The following LYPLAL1 variants were observed in gnomAD, a reference collection of about 807,000 sequenced individuals.
LYPLAL1 encodes the protein lysophospholipase like 1, also known as lysophospholipase-like protein 1.
A neutral mutation model predicts 19.7 loss-of-function variants in LYPLAL1; 23 were observed. That is an observed-to-expected ratio of 1.17 (90% CI 0.84 to 1.65). The LOEUF (loss-of-function observed/expected upper bound fraction) is 1.65, where lower values mean the gene tolerates loss of function less well. Among genes scored for constraint, LYPLAL1 ranks in the 40% most tolerant of loss-of-function variants. The probability of loss-of-function intolerance (pLI) is 0.00; values close to 1 mark genes in which losing one functional copy is unlikely to be tolerated. For synonymous variants in LYPLAL1, 119 were observed against 96.3 expected (o/e 1.24, Z -1.38); for missense variants, 355 against 279.4 (o/e 1.27, Z -1.93).
chr1:219,233,235 T>G, the LYPLAL1 span, among the ~76,000 whole-genome samples: 122 of 152,282 alleles, frequency 8.0e-4, no homozygotes, highest in African/African-American at 2.9e-3. Flanking sequence ...CTTGAAGACA[T>G]TATGCTAAGT....
chr1:219,396,551 A>G, the LYPLAL1 span, among the ~76,000 whole-genome samples: 1 of 152,180 alleles, frequency 6.6e-6, no homozygotes, highest in Non-Finnish European at 1.5e-5. Flanking sequence ...ATCTGTGGTC[A>G]TAGAATATTT....
chr1:219,193,193 TA>T lies in LYPLAL1; in HGVS notation c.304del (p.Thr102LeufsTer3). On this transcript the variant is annotated frameshift_variant, in exon 3 of 5. Coordinates refer to ENST00000366928, the MANE Select transcript of LYPLAL1 (RefSeq NM_138794.5). LOFTEE classifies it high-confidence loss of function. Reference sequence around the variant, plus strand: ...CAATTGATGTCATGTGTCAAGTGCTTACTGATTTGATTGATGAAGAAGTAAA... The same window carrying T: ...CAATTGATGTCATGTGTCAAGTGCTTCTGATTTGATTGATGAAGAAGTAAA... ...ESIDVMCQVLTDLIDEEVKSG... is the reference protein window; with the variant it reads ...ESIDVMCQVLXDLIDEEVKSG... 2 of 1,610,764 alleles carry T rather than the reference TA, an allele frequency of 1.2e-6. No homozygotes were observed. Among genetic ancestry groups the T allele is most frequent in the South Asian group, 2.2e-5 (2 of 90,940 alleles).
the LYPLAL1 span, among the ~76,000 whole-genome samples, chr1:219,439,992 C>CACATATATATAT: frequency 3.1e-5 from 1 of 32,392 alleles, no homozygotes; most frequent in African/African-American, 9.5e-5. Context: ...TATATATATA[C>CACATATATATAT]ACACATATAT....
At chr1:219,426,406 T>C in the LYPLAL1 span, among the ~76,000 whole-genome samples, 4 of 152,276 alleles carry the variant, frequency 2.6e-5, no homozygotes, top group Admixed American at 2.6e-4. Flanking sequence ...GGAAAAAAAA[T>C]TGTATGACTG....
chr1:219,443,369 A>G, the LYPLAL1 span, among the ~76,000 whole-genome samples: 1 of 152,220 alleles, frequency 6.6e-6, no homozygotes, highest in South Asian at 2.1e-4. Context: ...ATAACCTCTA[A>G]TGCATCTACT....
At chr1:219,393,521 C>A in the LYPLAL1 span, among the ~76,000 whole-genome samples, 1 of 152,204 alleles carries the variant, frequency 6.6e-6, no homozygotes, top group African/African-American at 2.4e-5. Context: ...ATTCCAAATG[C>A]CTTGGTTAAG....
chr1:219,211,418 G>GT, intron 4 of LYPLAL1, 74 bp from the exon 5 acceptor site: 2 of 1,048,714 alleles, frequency 1.9e-6, no homozygotes, highest in Non-Finnish European at 2.8e-6. Context: ...GAATTTTCCT[G>GT]TTCTCTCTGA....
chr1:219,331,426 T>C, the LYPLAL1 span, among the ~76,000 whole-genome samples: 2 of 152,170 alleles, frequency 1.3e-5, no homozygotes, highest in African/African-American at 4.8e-5. Context: ...TAAGCAATGC[T>C]CCGTTTTTGT....
chr1:219,424,537 G>A, the LYPLAL1 span, among the ~76,000 whole-genome samples: 4 of 152,210 alleles, frequency 2.6e-5, no homozygotes, highest in Middle Eastern at 3.4e-3. Flanking sequence ...GAACAACAAC[G>A]AGATTGTCAG....
intron 2 of LYPLAL1, among the ~76,000 whole-genome samples, chr1:219,183,367 T>C (rs956035140): frequency 6.6e-6 from 1 of 152,058 alleles, no homozygotes; most frequent in African/African-American, 2.4e-5. Flanking sequence ...AAATACCTTC[T>C]CTTTGTGGTT....
the LYPLAL1 span, among the ~76,000 whole-genome samples, chr1:219,229,622 G>T: frequency 3.7e-4 from 57 of 152,196 alleles, 1 homozygote; most frequent in African/African-American, 1.3e-3. Context: ...CCTATAGATG[G>T]CAAAACTAAA....
At chr1:219,440,016 C>CATATATATATAGATAT in the LYPLAL1 span, among the ~76,000 whole-genome samples, 1 of 99,466 alleles carries the variant, frequency 1.0e-5, no homozygotes, top group Admixed American at 9.5e-5. Flanking sequence ...TATATATACA[C>CATATATATATAGATAT]ACACACACAT....
At chr1:219,190,700 C>T (rs1389562833) in intron 2 of LYPLAL1, among the ~76,000 whole-genome samples, 1 of 140,632 alleles carries the variant, frequency 7.1e-6, no homozygotes, top group Non-Finnish European at 1.5e-5. Flanking sequence ...AAGAAAATAC[C>T]TGAAATATAT....
At chr1:219,239,725 C>T in the LYPLAL1 span, among the ~76,000 whole-genome samples, 1 of 152,210 alleles carries the variant, frequency 6.6e-6, no homozygotes, top group African/African-American at 2.4e-5. Flanking sequence ...GGCAGATCTT[C>T]AAGTATGCTG....
chr1:219,219,041 A>G, the LYPLAL1 span, among the ~76,000 whole-genome samples: 5 of 152,254 alleles, frequency 3.3e-5, no homozygotes, highest in Non-Finnish European at 7.4e-5. Flanking sequence ...AAGTACACGG[A>G]TTCCACTTTG....
At chr1:219,175,102 A>G in intron 1 of LYPLAL1, 1 of 985,332 alleles carries the variant, frequency 1.0e-6, no homozygotes, top group Non-Finnish European at 1.2e-6. Context: ...TGTGGGAGGT[A>G]TTCTCTTTAT....
the LYPLAL1 span, among the ~76,000 whole-genome samples, chr1:219,309,593 C>T: frequency 0.39 from 59,622 of 151,984 alleles, 12,241 homozygotes; most frequent in Non-Finnish European, 0.45. Context: ...ATACTCTTCT[C>T]GTGGTTGTGA....
chr1:219,325,755 A>C, the LYPLAL1 span, among the ~76,000 whole-genome samples: 1 of 152,158 alleles, frequency 6.6e-6, no homozygotes, highest in African/African-American at 2.4e-5. Flanking sequence ...CCCACTTAGC[A>C]CATATTGTTA....
chr1:219,387,921 TCA>T, the LYPLAL1 span, among the ~76,000 whole-genome samples: 9 of 152,196 alleles, frequency 5.9e-5, no homozygotes, highest in Admixed American at 1.3e-4. Context: ...CGGTTCTAAT[TCA>T]CACACAGGTG....
Sources: allele counts gnomAD v4.1 joint callset (sites outside exome capture counted in the v4.1 genomes callset), GRCh38; gene constraint gnomAD v4.1.1; transcripts MANE v1.5; gene names NCBI Gene and HGNC (gene_info 2026-07-23, HGNC 2026-07-21).